The following SMPX variants were observed in gnomAD, a reference collection of about 807,000 sequenced individuals.
The protein encoded by SMPX is small muscular protein.
In SMPX, 2 loss-of-function variants were observed where a neutral mutation model predicts 6.3. The observed-to-expected ratio is 0.32, with a 90% confidence interval of 0.13 to 0.99. The LOEUF (loss-of-function observed/expected upper bound fraction) is 0.99, where lower values mean the gene tolerates loss of function less well. Ranked by LOEUF, SMPX falls within the 50% of genes least tolerant of loss-of-function variation. The probability of loss-of-function intolerance (pLI) is 0.49; values close to 1 mark genes in which losing one functional copy is unlikely to be tolerated. For synonymous variants in SMPX, 32 were observed against 24.7 expected (o/e 1.30, Z -0.88); for missense variants, 60 against 66.8 (o/e 0.90, Z 0.36).
intron 4 of SMPX, among the ~76,000 whole-genome samples, chrX:21,728,991 T>C (rs748132618): frequency 2.7e-5 from 3 of 112,408 alleles, no homozygotes; most frequent in Non-Finnish European, 5.6e-5. Flanking sequence ...TGCTTAATGT[T>C]AATACTTTAG....
intron 4 of SMPX, among the ~76,000 whole-genome samples, chrX:21,731,277 C>G (rs2092802807): frequency 9.4e-6 from 1 of 106,733 alleles, no homozygotes; most frequent in Non-Finnish European, 1.9e-5. Context: ...AGACTTATTT[C>G]ATGGCCTAAC....
chrX:21,743,455 A>T (rs866049594), intron 3 of SMPX, among the ~76,000 whole-genome samples: 27 of 111,202 alleles, frequency 2.4e-4, no homozygotes, highest in African/African-American at 3.9e-4. Context: ...AATCAATCAA[A>T]CAATCAGTTA....
rs2092783514 is a variant in SMPX at position 21,715,305 on chromosome X, C to CGT, written c.*15-8912_*15-8911insAC. On this transcript the variant is annotated intron_variant, in intron 4 of 4. Transcript: ENST00000379494. ...GTGTGTGTGTGTGTGTGTGTGTGTG[C>CGT]GCGCACGCGCGCGCGCTCGCGCGCT... is the stretch of plus-strand genomic sequence containing the variant. Among the ~76,000 whole-genome samples, 5 of 79,925 alleles carry CGT rather than the reference C, an allele frequency of 6.3e-5. No homozygotes were observed. In the East Asian group the frequency reaches 2.0e-3, roughly 32 times the overall value. 69.4% of individuals were successfully genotyped at this position (79,925 alleles called of 115,157 possible). A position where few individuals can be genotyped will look rare whatever the true frequency, so the allele number is the denominator to read the frequency against.
At chrX:21,755,642 A>G (rs1274115956) in intron 1 of SMPX, among the ~76,000 whole-genome samples, 1 of 111,955 alleles carries the variant, frequency 8.9e-6, no homozygotes, top group East Asian at 2.8e-4. Context: ...TCTGAAAAGA[A>G]CTCTGTGAAA....
intron 4 of SMPX, among the ~76,000 whole-genome samples, chrX:21,709,979 C>T (rs1469673983): frequency 8.9e-6 from 1 of 111,735 alleles, no homozygotes; most frequent in East Asian, 2.8e-4. Context: ...GAAATGGGTA[C>T]CATTTATATG....
At chrX:21,716,966 C>A (rs1365355418) in intron 4 of SMPX, among the ~76,000 whole-genome samples, 1 of 111,700 alleles carries the variant, frequency 9.0e-6, no homozygotes, top group Non-Finnish European at 1.9e-5. Flanking sequence ...AGTACAAATG[C>A]AGTTTTGTCA....
intron 2 of SMPX, among the ~76,000 whole-genome samples, chrX:21,745,345 G>A (rs1602110291): frequency 9.0e-6 from 1 of 111,699 alleles, no homozygotes. Flanking sequence ...GGGGGCATAA[G>A]AGAGGAGAAA....
chrX:21,752,179 A>T (rs1174764628), intron 2 of SMPX, among the ~76,000 whole-genome samples: 1 of 111,928 alleles, frequency 8.9e-6, no homozygotes, highest in Non-Finnish European at 1.9e-5. Context: ...AAATATTACA[A>T]ATCTAAAAAT....
intron 2 of SMPX, among the ~76,000 whole-genome samples, chrX:21,750,420 T>G (rs1005131425): frequency 8.9e-6 from 1 of 112,084 alleles, no homozygotes; most frequent in Non-Finnish European, 1.9e-5. Flanking sequence ...ATAGCCACAT[T>G]CATTCATTTA....
At chrX:21,711,828 G>T (rs773614140) in intron 4 of SMPX, among the ~76,000 whole-genome samples, 7 of 112,332 alleles carry the variant, frequency 6.2e-5, no homozygotes, top group African/African-American at 2.3e-4. Context: ...TTGAGAGAAG[G>T]CAGTGGCTCA....
intron 2 of SMPX, 138 bp from the exon 3 acceptor site, chrX:21,743,974 A>C: frequency 2.0e-6 from 1 of 493,926 alleles, no homozygotes; most frequent in Non-Finnish European, 3.5e-6. Flanking sequence ...AAATTGCTGT[A>C]ATGACAGCAT....
intron 4 of SMPX, 65 bp downstream of exon 4, chrX:21,737,484 G>T: frequency 1.1e-6 from 1 of 948,246 alleles, no homozygotes; most frequent in Non-Finnish European, 1.5e-6. Flanking sequence ...TTTCTTCTGT[G>T]GAAGGCTTCC....
chrX:21,753,058 C>T (rs1372134272), intron 2 of SMPX, among the ~76,000 whole-genome samples: 2 of 111,729 alleles, frequency 1.8e-5, no homozygotes, highest in Non-Finnish European at 3.8e-5. Flanking sequence ...AGGATGTCCA[C>T]AGGTCTGGAA....
chrX:21,719,068 A>T (rs2092788482), intron 4 of SMPX, among the ~76,000 whole-genome samples: 1 of 112,205 alleles, frequency 8.9e-6, no homozygotes, highest in Admixed American at 9.4e-5. Flanking sequence ...TTCACAGAAA[A>T]AAATTATGTG....
chrX:21,708,886 C>T, intron 4 of SMPX, among the ~76,000 whole-genome samples: 1 of 112,322 alleles, frequency 8.9e-6, no homozygotes, highest in South Asian at 3.7e-4. Context: ...CTTTAGCCAC[C>T]TCATATAAGT....
chrX:21,748,401 C>T (rs752096022), intron 2 of SMPX, among the ~76,000 whole-genome samples: 1 of 112,092 alleles, frequency 8.9e-6, no homozygotes, highest in South Asian at 3.7e-4. Context: ...ATTGTAATCT[C>T]ATCATCCAGG....
chrX:21,709,144 C>G (rs1387593855), intron 4 of SMPX, among the ~76,000 whole-genome samples: 1 of 112,067 alleles, frequency 8.9e-6, no homozygotes, highest in Non-Finnish European at 1.9e-5. Context: ...TAAGATACCA[C>G]TTCCTTCCCA....
chrX:21,709,205 C>T (rs1159156857), intron 4 of SMPX, among the ~76,000 whole-genome samples: 2 of 111,985 alleles, frequency 1.8e-5, no homozygotes, highest in Non-Finnish European at 3.8e-5. Flanking sequence ...CCTGGGGTAT[C>T]AGGATCCAGG....
intron 1 of SMPX, 85 bp from the exon 2 acceptor site, chrX:21,754,387 C>T (rs1450140675): frequency 1.3e-6 from 1 of 756,373 alleles, no homozygotes; most frequent in East Asian, 3.2e-5. Context: ...CATGATTCAA[C>T]TGGGCAGTCA....
Sources: allele counts gnomAD v4.1 joint callset (sites outside exome capture counted in the v4.1 genomes callset), GRCh38; gene constraint gnomAD v4.1.1; transcripts MANE v1.5; gene names NCBI Gene and HGNC (gene_info 2026-07-23, HGNC 2026-07-21).